Variants in DOCK3 observed in about 807,000 individuals in gnomAD.
DOCK3 encodes dedicator of cytokinesis protein 3.
A neutral mutation model predicts 265.6 loss-of-function variants in DOCK3; 60 were observed. That is an observed-to-expected ratio of 0.23 (90% CI 0.18 to 0.28). DOCK3 has a LOEUF of 0.28. Among genes scored for constraint, DOCK3 ranks in the 10% least tolerant of loss-of-function variants. DOCK3 has a pLI of 1.00. For missense variants in DOCK3, 1,981 were observed against 2,594.3 expected (o/e 0.76, Z 5.14); for synonymous variants, 881 against 938.0 (o/e 0.94, Z 1.11).
intron 9 of DOCK3, among the ~76,000 whole-genome samples, chr3:51,124,974 A>G (rs2084202883): frequency 6.6e-6 from 1 of 151,326 alleles, no homozygotes; most frequent in Non-Finnish European, 1.5e-5. Context: ...TACTAAAAAA[A>G]AAAAAAAAAA....
chr3:50,921,597 C>T (rs562988087), intron 4 of DOCK3, among the ~76,000 whole-genome samples: 50 of 152,260 alleles, frequency 3.3e-4, no homozygotes, highest in Admixed American at 2.2e-3. Flanking sequence ...CCGTTGCTAG[C>T]GAGGAGCTGC....
intron 1 of DOCK3, among the ~76,000 whole-genome samples, chr3:50,766,900 TG>T (rs2040919954): frequency 6.6e-6 from 1 of 152,242 alleles, no homozygotes; most frequent in African/African-American, 2.4e-5. Context: ...TTCATGTGTC[TG>T]TTGGCTGCAT....
intron 4 of DOCK3, among the ~76,000 whole-genome samples, chr3:50,904,105 T>A (rs529884812): frequency 6.6e-6 from 1 of 152,250 alleles, no homozygotes; most frequent in South Asian, 2.1e-4. Context: ...TCCTTTCTTA[T>A]GGCTGCATAG....
chr3:51,236,569 C>A, intron 20 of DOCK3, 141 bp downstream of exon 20: 1 of 726,924 alleles, frequency 1.4e-6, no homozygotes. Context: ...GACTGTCACC[C>A]AAGGAAGACC....
At chr3:51,287,650 G>C (rs770571664) in intron 27 of DOCK3, among the ~76,000 whole-genome samples, 4 of 152,180 alleles carry the variant, frequency 2.6e-5, no homozygotes, top group African/African-American at 9.7e-5. Context: ...ATGCTGGTGA[G>C]GTTGCAGAGA....
chr3:51,095,032 A>G (rs1329763568), intron 9 of DOCK3, among the ~76,000 whole-genome samples: 2 of 147,898 alleles, frequency 1.4e-5, no homozygotes, highest in Non-Finnish European at 3.0e-5. Flanking sequence ...CTTGGTAAAT[A>G]TTGCTCCATA....
intron 5 of DOCK3, among the ~76,000 whole-genome samples, chr3:50,975,822 C>T (rs1310073624): frequency 6.6e-6 from 1 of 151,314 alleles, no homozygotes; most frequent in African/African-American, 2.4e-5. Flanking sequence ...ATTTCAGATC[C>T]TGTTATTGGT....
chr3:51,293,658 T>C (rs1217185836), intron 27 of DOCK3, among the ~76,000 whole-genome samples: 1 of 152,014 alleles, frequency 6.6e-6, no homozygotes, highest in African/African-American at 2.4e-5. Context: ...AAGAAAACAA[T>C]AGAATGAAGA....
chr3:51,195,866 T>C (rs1279771977), intron 12 of DOCK3, among the ~76,000 whole-genome samples: 1 of 152,232 alleles, frequency 6.6e-6, no homozygotes, highest in Admixed American at 6.5e-5. Flanking sequence ...CTTTCACTTA[T>C]GAAGGATAAT....
chr3:51,041,496 C>T (rs1032202898), intron 5 of DOCK3, among the ~76,000 whole-genome samples: 1 of 151,734 alleles, frequency 6.6e-6, no homozygotes, highest in African/African-American at 2.4e-5. Context: ...GGATTACAGG[C>T]GTGAGCCACC....
At chr3:50,974,023 T>C (rs1484464878) in intron 5 of DOCK3, among the ~76,000 whole-genome samples, 1 of 150,708 alleles carries the variant, frequency 6.6e-6, no homozygotes, top group Admixed American at 6.6e-5. Context: ...GAGTTCATTG[T>C]AGATTGTGGA....
chr3:50,734,572 A>C (rs942044010), intron 1 of DOCK3, among the ~76,000 whole-genome samples: 3 of 144,592 alleles, frequency 2.1e-5, no homozygotes, highest in African/African-American at 7.7e-5. Flanking sequence ...AAATACTCTG[A>C]ATTTTATTAT....
intron 9 of DOCK3, among the ~76,000 whole-genome samples, chr3:51,091,194 A>G (rs563794616): frequency 1.3e-5 from 2 of 152,254 alleles, no homozygotes; most frequent in Non-Finnish European, 2.9e-5. Flanking sequence ...TATTGATGAA[A>G]GCTAAAACTG....
At chr3:50,915,682 T>G (rs1161757065) in intron 4 of DOCK3, among the ~76,000 whole-genome samples, 1 of 151,946 alleles carries the variant, frequency 6.6e-6, no homozygotes, top group East Asian at 1.9e-4. Flanking sequence ...GTGACCCAGG[T>G]ATCATTTTCC....
chr3:50,958,410 T>A (rs1296586971), intron 5 of DOCK3, among the ~76,000 whole-genome samples: 1 of 152,000 alleles, frequency 6.6e-6, no homozygotes, highest in East Asian at 1.9e-4. Flanking sequence ...TAGTTATATC[T>A]GCTTGTGTGT....
At chr3:50,678,143 GA>G (rs2034123367) in intron 1 of DOCK3, among the ~76,000 whole-genome samples, 1 of 151,422 alleles carries the variant, frequency 6.6e-6, no homozygotes, top group Admixed American at 6.6e-5. Context: ...AGTATTTTGT[GA>G]AATACTTGAC....
intron 5 of DOCK3, among the ~76,000 whole-genome samples, chr3:50,971,692 A>G (rs932600629): frequency 2.0e-5 from 3 of 149,912 alleles, no homozygotes; most frequent in African/African-American, 2.4e-5. Flanking sequence ...TGCTAGACAG[A>G]TAAAGGACTT....
chr3:50,908,220 T>G (rs1275145556), intron 4 of DOCK3, among the ~76,000 whole-genome samples: 1 of 135,770 alleles, frequency 7.4e-6, no homozygotes, highest in Non-Finnish European at 1.7e-5. Context: ...TCATCTCAAT[T>G]TATTTCACGT....
At chr3:50,778,383 CA>C in intron 1 of DOCK3, among the ~76,000 whole-genome samples, 1 of 152,212 alleles carries the variant, frequency 6.6e-6, no homozygotes. Context: ...TACACTTGAA[CA>C]CAGGATATCC....
Sources: allele counts gnomAD v4.1 joint callset (sites outside exome capture counted in the v4.1 genomes callset), GRCh38; gene constraint gnomAD v4.1.1; transcripts MANE v1.5; gene names NCBI Gene and HGNC (gene_info 2026-07-23, HGNC 2026-07-21).